Variants in SENP2 observed in about 807,000 individuals in gnomAD.
SENP2 encodes SUMO specific peptidase 2, also known as sentrin-specific protease 2.
A neutral mutation model predicts 86.3 loss-of-function variants in SENP2; 16 were observed. The ratio of observed to expected loss-of-function variants is 0.19; its 90% CI spans 0.13 to 0.28. The LOEUF is 0.28. Ranked by LOEUF, SENP2 falls within the 10% of genes least tolerant of loss-of-function variation. The pLI is 1.00. For synonymous variants in SENP2, 222 were observed against 238.7 expected (o/e 0.93, Z 0.64); for missense variants, 552 against 703.0 (o/e 0.79, Z 2.43).
At chr3:185,615,626 A>T (rs1202628982) in intron 11 of SENP2, among the ~76,000 whole-genome samples, 1 of 152,038 alleles carries the variant, frequency 6.6e-6, no homozygotes, top group Non-Finnish European at 1.5e-5. Context: ...TTATAGGCGC[A>T]AGCCACTGCC....
At chr3:185,602,663 GT>G (rs1365786868) in intron 5 of SENP2, among the ~76,000 whole-genome samples, 4 of 151,418 alleles carry the variant, frequency 2.6e-5, no homozygotes, top group African/African-American at 9.7e-5. Context: ...GAGAAATCCC[GT>G]TTCTACTAAA....
intron 2 of SENP2, among the ~76,000 whole-genome samples, chr3:185,596,794 A>G (rs1045648766): frequency 6.6e-6 from 1 of 152,096 alleles, no homozygotes; most frequent in Non-Finnish European, 1.5e-5. Flanking sequence ...CTCGGTGGCT[A>G]TATGCTCCTT....
At chr3:185,595,894 G>A (rs1013380957) in intron 2 of SENP2, among the ~76,000 whole-genome samples, 6 of 150,186 alleles carry the variant, frequency 4.0e-5, no homozygotes, top group African/African-American at 9.8e-5. Flanking sequence ...TCTACCTCCC[G>A]GGTTCCAACG....
chr3:185,587,570 A>ATTTTTTTTTT lies in SENP2; in HGVS notation c.101+1061_101+1070dup, dbSNP rs398052522. The stretch of plus-strand genomic sequence containing the variant: ...CTTCAACTTTAGTGATCAAGTGTTA[A>ATTTTTTTTTT]TTTTTTTTTTTTTTGAGAAGGAGTC... On this transcript the variant is annotated intron_variant, in intron 1 of 16. Coordinates refer to ENST00000296257, the MANE Select transcript of SENP2 (RefSeq NM_021627.3). Among the ~76,000 whole-genome samples the ATTTTTTTTTT allele has an allele frequency of 2.3e-3, 269 of 118,792 alleles. 18 individuals carry two copies. Among genetic ancestry groups the ATTTTTTTTTT allele is most frequent in the African/African-American group, 8.0e-3 (255 of 31,692 alleles). The allele number at this position is 118,792 out of a possible 152,430, so 77.9% of individuals were successfully genotyped here. A position where few individuals can be genotyped will look rare whatever the true frequency, so the allele number is the denominator to read the frequency against.
intron 1 of SENP2, among the ~76,000 whole-genome samples, chr3:185,588,131 C>T (rs1417241155): frequency 7.0e-6 from 1 of 143,836 alleles, no homozygotes; most frequent in Non-Finnish European, 1.5e-5. Flanking sequence ...GATCTCGGCT[C>T]ACTGCAACCT....
In SENP2 at chr3:185,619,376, T is replaced by C; in HGVS notation, c.1320T>C (p.Thr440=). The C allele has an allele frequency of 6.2e-7, 1 of 1,614,036 alleles. No homozygotes were observed. The highest frequency in any genetic ancestry group is 8.5e-7 in the Non-Finnish European group (1 of 1,179,878). The change falls in exon 13 of 17, where the codon ACT becomes ACC. Residue 440 remains threonine, a synonymous_variant. Coordinates refer to ENST00000296257, the MANE Select transcript of SENP2 (RefSeq NM_021627.3). ...QGYPALHVFS[T]FFYPKLKSGG... is the part of the protein sequence containing the mutation. Reference sequence around the variant, plus strand: ...ATCCAGCACTTCATGTATTCAGTACTTTCTTCTATCCTAAATTAAAGTCTG... The same window carrying C: ...ATCCAGCACTTCATGTATTCAGTACCTTCTTCTATCCTAAATTAAAGTCTG...
chr3:185,619,647 T>C (rs976738021), intron 13 of SENP2, 145 bp downstream of exon 13: 1 of 464,360 alleles, frequency 2.2e-6, no homozygotes, highest in Non-Finnish European at 3.7e-6. Context: ...TAGTTTTTTT[T>C]TTAATGTCCC....
At chr3:185,615,351 T>C (rs188155223) in intron 11 of SENP2, among the ~76,000 whole-genome samples, 45 of 152,306 alleles carry the variant, frequency 3.0e-4, no homozygotes, top group African/African-American at 8.9e-4. Flanking sequence ...GAAAATAATT[T>C]CTTTTTTTTG....
rs76350357 is a variant in SENP2 at position 185,626,234 on chromosome 3, C to T, written c.1612-64C>T. Reference sequence around the variant, plus strand: ...GTTTACAGCAATATTTAGAAAAAGTCCAAGGAATTTGTATTTAATGATGTT... The same window carrying T: ...GTTTACAGCAATATTTAGAAAAAGTTCAAGGAATTTGTATTTAATGATGTT... On this transcript the variant is annotated intron_variant, in intron 15 of 16. Coordinates refer to ENST00000296257, the MANE Select transcript of SENP2 (RefSeq NM_021627.3). 3,595 of 1,066,554 alleles carry T rather than the reference C, an allele frequency of 3.4e-3. 137 individuals are homozygous for T. The East Asian group carries it at 0.07, about 21-fold the overall frequency. The allele number at this position is 1,066,554 out of a possible 1,614,324, so 66.1% of individuals were successfully genotyped here.
Position 185,592,007 on chromosome 3 carries a change from A to ATTTTTTTTT in SENP2, c.157+1841_157+1842insTTTTTTTTT, listed in dbSNP as rs1261238822. Among the ~76,000 whole-genome samples the ATTTTTTTTT allele has an allele frequency of 8.6e-3, 301 of 34,996 alleles. 9 individuals carry two copies. The highest frequency in any genetic ancestry group is 0.028 in the East Asian group (33 of 1,184). 23.0% of individuals were successfully genotyped at this position (34,996 alleles called of 152,430 possible). ...ACTCCTGTCTTTAAGAACCGGTAATATTTCTTTTTTTTTTTTTTTTTTTTT... is the reference window on the plus strand; with the variant it reads ...ACTCCTGTCTTTAAGAACCGGTAATATTTTTTTTTTTTCTTTTTTTTTTTTTTTTTTTTT... On this transcript the variant is annotated intron_variant, in intron 2 of 16. Transcript: ENST00000296257.
intron 10 of SENP2, 155 bp from the exon 11 acceptor site, chr3:185,614,409 C>G (rs1711522980): frequency 2.7e-6 from 2 of 731,328 alleles, no homozygotes; most frequent in Non-Finnish European, 4.3e-6. Flanking sequence ...CTCCCCCTTG[C>G]AGGGACAGAC....
In SENP2 at chr3:185,586,650, G is replaced by C; in HGVS notation, c.101+136G>C. 1 of 778,852 alleles carries C rather than the reference G, an allele frequency of 1.3e-6. No homozygotes were observed. The highest frequency in any genetic ancestry group is 2.1e-6 in the Non-Finnish European group (1 of 480,266). The allele number at this position is 778,852 out of a possible 1,614,324, so 48.2% of individuals were successfully genotyped here. A position where few individuals can be genotyped will look rare whatever the true frequency, so the allele number is the denominator to read the frequency against. On this transcript the variant is annotated intron_variant, in intron 1 of 16. Coordinates refer to ENST00000296257, the MANE Select transcript of SENP2 (RefSeq NM_021627.3). The surrounding 1 kb of genome is among the most constrained non-coding windows in gnomAD (Gnocchi z 4.3). ...GGATCCTAGTGACGTAGTCGCTCCCGCCAGGCTGTAGGGAGGCAGCTCCTG... is the reference window on the plus strand; with the variant it reads ...GGATCCTAGTGACGTAGTCGCTCCCCCCAGGCTGTAGGGAGGCAGCTCCTG...
chr3:185,615,236 A>G (rs2148991318), intron 11 of SENP2, among the ~76,000 whole-genome samples: 1 of 152,322 alleles, frequency 6.6e-6, no homozygotes, highest in Non-Finnish European at 1.5e-5. Flanking sequence ...TTGCCCTAGT[A>G]GGCAAATCTC....
intron 8 of SENP2, 35 bp downstream of exon 8, chr3:185,611,780 TG>T: frequency 7.0e-7 from 1 of 1,421,390 alleles, no homozygotes; most frequent in Non-Finnish European, 9.9e-7. Flanking sequence ...CTTAATATAT[TG>T]ACCTTAGTTC....
Position 185,586,654 on chromosome 3 carries a change from G to A in SENP2, c.101+140G>A, listed in dbSNP as rs1721793590. 2 of 748,884 alleles carry A rather than the reference G, an allele frequency of 2.7e-6. No homozygotes were observed. The highest frequency in any genetic ancestry group is 1.7e-5 in the South Asian group (1 of 60,366). The allele number at this position is 748,884 out of a possible 1,614,324, so 46.4% of individuals were successfully genotyped here. ...CCTAGTGACGTAGTCGCTCCCGCCAGGCTGTAGGGAGGCAGCTCCTGATGA... is the reference window on the plus strand; with the variant it reads ...CCTAGTGACGTAGTCGCTCCCGCCAAGCTGTAGGGAGGCAGCTCCTGATGA... On this transcript the variant is annotated intron_variant, in intron 1 of 16. Coordinates refer to ENST00000296257, the MANE Select transcript of SENP2 (RefSeq NM_021627.3). The surrounding 1 kb of genome is among the most constrained non-coding windows in gnomAD (Gnocchi z 4.3).
chr3:185,628,591 C>T (rs1295887240), intron 16 of SENP2, among the ~76,000 whole-genome samples: 1 of 152,190 alleles, frequency 6.6e-6, no homozygotes, highest in East Asian at 1.9e-4. Flanking sequence ...ACTGCAACCT[C>T]CGCCTCCCGG....
chr3:185,615,943 A>G (rs577887508), intron 11 of SENP2, among the ~76,000 whole-genome samples: 67 of 151,778 alleles, frequency 4.4e-4, no homozygotes, highest in Middle Eastern at 3.4e-3. Context: ...GCTTACTGCA[A>G]CCTCTGCCTC....
intron 5 of SENP2, among the ~76,000 whole-genome samples, chr3:185,606,114 TGG>T: frequency 6.6e-6 from 1 of 152,126 alleles, no homozygotes; most frequent in Non-Finnish European, 1.5e-5. Context: ...TCTCTTTGTG[TGG>T]CAGCTCTAGT....
chr3:185,630,614 C>T lies in SENP2; in HGVS notation c.*770C>T, dbSNP rs3087964. The T allele has an allele frequency of 0.35, 53,133 of 152,440 alleles. 9,400 individuals carry two copies. Among genetic ancestry groups the T allele is most frequent in the South Asian group, 0.55 (2,638 of 4,814 alleles). 9.4% of individuals were successfully genotyped at this position (152,440 alleles called of 1,614,324 possible). On this transcript the variant is annotated 3_prime_UTR_variant, in exon 17 of 17. Coordinates refer to ENST00000296257, the MANE Select transcript of SENP2 (RefSeq NM_021627.3). ...TGTGGTCACCTTAAAGAGACTTCCC[C>T]TTCTGGAAATGTGGTGACTTGGCTT...
Sources: allele counts gnomAD v4.1 joint callset (sites outside exome capture counted in the v4.1 genomes callset), GRCh38; gene constraint gnomAD v4.1.1; non-coding constraint Gnocchi (gnomAD v3.1); transcripts MANE v1.5; gene names NCBI Gene and HGNC (gene_info 2026-07-23, HGNC 2026-07-21).